The following CACUL1 variants were observed in gnomAD, a reference collection of about 807,000 sequenced individuals.
The protein encoded by CACUL1 is CDK2-associated and cullin domain-containing protein 1.
Under a neutral mutation model 45.2 loss-of-function variants are expected in CACUL1, and 13 were observed. The ratio of observed to expected loss-of-function variants is 0.29; its 90% confidence interval spans 0.19 to 0.46. The LOEUF is 0.46. Among genes scored for constraint, CACUL1 ranks in the 20% least tolerant of loss-of-function variants. The probability of loss-of-function intolerance (pLI) is 1.00; values close to 1 mark genes in which losing one functional copy is unlikely to be tolerated. For missense variants in CACUL1, 421 were observed against 471.4 expected (o/e 0.89, Z 0.99); for synonymous variants, 197 against 174.2 (o/e 1.13, Z -1.03).
rs1845157563 is a variant in CACUL1 at position 118,681,921 on chromosome 10, T to C, written c.*4207A>G. On this transcript the variant is annotated 3_prime_UTR_variant, in exon 9 of 9. Coordinates refer to ENST00000369151, the MANE Select transcript of CACUL1 (RefSeq NM_153810.5). ...TTCTCATATTCTTGTGGCCAGAAAC[T>C]GGGGTGAACTTCAGTGGGGTAATGA... The C allele has an allele frequency of 6.6e-6, 1 of 152,172 alleles. No individual in the cohort carries two copies. Among genetic ancestry groups the C allele is most frequent in the African/African-American group, 2.4e-5 (1 of 41,444 alleles). 9.4% of individuals were successfully genotyped at this position (152,172 alleles called of 1,614,324 possible).
intron 6 of CACUL1, chr10:118,694,889 T>G: frequency 3.0e-6 from 1 of 329,954 alleles, no homozygotes; most frequent in Non-Finnish European, 5.8e-6. Context: ...TTATCCAAAG[T>G]GTATCCTACA....
intron 1 of CACUL1, 117 bp from the exon 2 acceptor site, chr10:118,730,527 C>T: frequency 2.4e-5 from 23 of 940,122 alleles, no homozygotes; most frequent in Non-Finnish European, 3.6e-5. Flanking sequence ...TACACTGACA[C>T]TCTATCACCT....
At chr10:118,752,128 T>C (rs957911558) in intron 1 of CACUL1, among the ~76,000 whole-genome samples, 1 of 152,198 alleles carries the variant, frequency 6.6e-6, no homozygotes, top group Admixed American at 6.5e-5. Flanking sequence ...ATAACTTTTA[T>C]TGCTTCCCTT....
Position 118,754,697 on chromosome 10 carries a change from G to A in CACUL1, c.66C>T (p.His22=). The change falls in exon 1 of 9, where the codon CAC becomes CAT. Residue 22 remains histidine, a synonymous_variant. Coordinates refer to ENST00000369151, the MANE Select transcript of CACUL1 (RefSeq NM_153810.5). The part of the protein sequence containing the change: ...SYEAMMDDQN[H]NNWEAAVDGF... ...CGTCCACCGCAGCCTCCCAGTTGTTGTGGTTCTGGTCGTCCATCATCGCCT... is the reference window on the plus strand; with the variant it reads ...CGTCCACCGCAGCCTCCCAGTTGTTATGGTTCTGGTCGTCCATCATCGCCT... 6.2e-7 allele frequency: 1 copy of A among 1,607,884 alleles called. No individual in the cohort carries two copies.
intron 6 of CACUL1, among the ~76,000 whole-genome samples, chr10:118,693,948 T>C (rs1845296131): frequency 6.6e-6 from 1 of 152,214 alleles, no homozygotes; most frequent in Admixed American, 6.5e-5. Context: ...GGAGTCTCAC[T>C]CTATCGCCCA....
intron 4 of CACUL1, among the ~76,000 whole-genome samples, chr10:118,705,375 A>C (rs541876952): frequency 2.5e-3 from 381 of 152,248 alleles, no homozygotes; most frequent in African/African-American, 8.8e-3. Flanking sequence ...TCCCAAAATA[A>C]ATTTTTCTGC....
At chr10:118,750,731 A>T (rs1427652023) in intron 1 of CACUL1, among the ~76,000 whole-genome samples, 2 of 152,238 alleles carry the variant, frequency 1.3e-5, no homozygotes, top group African/African-American at 4.8e-5. Flanking sequence ...AAGCAAGTAT[A>T]CGTTTTCCTG....
intron 7 of CACUL1, among the ~76,000 whole-genome samples, chr10:118,690,439 G>T (rs1300907472): frequency 6.6e-6 from 1 of 150,732 alleles, no homozygotes; most frequent in Non-Finnish European, 1.5e-5. Flanking sequence ...ATGTATTTTA[G>T]TTGAAAAATG....
chr10:118,677,951 A>G lies in CACUL1; in HGVS notation c.*8177T>C, dbSNP rs1211400795. On this transcript the variant is annotated 3_prime_UTR_variant, in exon 9 of 9. Transcript: ENST00000369151. ...AGTAGAAGTGCAGATTTACACGCCA[A>G]CAACAGGTGAAGGTTTGTTGTCATA... 2.0e-5 allele frequency: 3 copies of G among 152,228 alleles called. No individual in the cohort carries two copies. The highest frequency in any genetic ancestry group is 4.4e-5 in the Non-Finnish European group (3 of 68,044). 9.4% of individuals were successfully genotyped at this position (152,228 alleles called of 1,614,324 possible). A position where few individuals can be genotyped will look rare whatever the true frequency, so the allele number is the denominator to read the frequency against.
chr10:118,724,011 C>T (rs553864863), intron 3 of CACUL1, among the ~76,000 whole-genome samples: 1 of 152,242 alleles, frequency 6.6e-6, no homozygotes, highest in South Asian at 2.1e-4. Flanking sequence ...GTGATCTGCC[C>T]TCCTTGTCCT....
intron 5 of CACUL1, among the ~76,000 whole-genome samples, chr10:118,700,716 C>CAAAAAAAAAAAAAAAAAAAAAAAA (rs59032746): frequency 7.5e-6 from 1 of 132,918 alleles, no homozygotes; most frequent in African/African-American, 3.1e-5. Context: ...GACTCCGTCT[C>CAAAAAAAAAAAAAAAAAAAAAAAA]AAAAAAAAAA....
chr10:118,677,572 C>G lies in CACUL1; in HGVS notation c.*8556G>C, dbSNP rs895287182. 5 of 152,166 alleles carry G rather than the reference C, an allele frequency of 3.3e-5. No homozygotes were observed. The South Asian group carries it at 1.0e-3, about 32-fold the overall frequency. The allele number at this position is 152,166 out of a possible 1,614,324, so 9.4% of individuals were successfully genotyped here. A position where few individuals can be genotyped will look rare whatever the true frequency, so the allele number is the denominator to read the frequency against. On this transcript the variant is annotated 3_prime_UTR_variant, in exon 9 of 9. Coordinates refer to ENST00000369151, the MANE Select transcript of CACUL1 (RefSeq NM_153810.5). ...ATAGCTTTACTACTTGTGTCTGAGT[C>G]CCTAAACAATATACTTAGTTTTTTC...
chr10:118,739,314 AC>A lies in CACUL1; in HGVS notation c.368-8905del, dbSNP rs143428310. Among the ~76,000 whole-genome samples the A allele has an allele frequency of 1.7e-3, 262 of 152,330 alleles. 3 individuals are homozygous for A. In the East Asian group the frequency reaches 0.043, roughly 25 times the overall value. On this transcript the variant is annotated intron_variant, in intron 1 of 8. Transcript: ENST00000369151. ...CTTAGAAGATCAAAACAGAAATTCA[AC>A]ATTTGACTACCAATAATTCCAGAGA... is the stretch of plus-strand genomic sequence containing the variant.
rs571974682 is a variant in CACUL1, at chr10:118,741,482, A to C, written c.368-11072T>G. Among the ~76,000 whole-genome samples, 29 of 151,250 alleles carry C rather than the reference A, an allele frequency of 1.9e-4. No individual in the cohort carries two copies. The East Asian group carries it at 2.3e-3, about 12-fold the overall frequency. ...GACAGACAGACACACACACACACAC[A>C]CCCCCTCACTTCACACCTTTATACC... On this transcript the variant is annotated intron_variant, in intron 1 of 8. Transcript: ENST00000369151.
intron 1 of CACUL1, 40 bp from the exon 2 acceptor site, chr10:118,730,450 A>C: frequency 6.4e-7 from 1 of 1,552,068 alleles, no homozygotes. Flanking sequence ...TACGTGCCAC[A>C]TGTGGAGCAA....
At chr10:118,733,614 A>G (rs1467959126) in intron 1 of CACUL1, among the ~76,000 whole-genome samples, 1 of 152,250 alleles carries the variant, frequency 6.6e-6, no homozygotes, top group East Asian at 1.9e-4. Flanking sequence ...TGACACATAT[A>G]GCCTCAGAGT....
At chr10:118,693,494 T>C in intron 6 of CACUL1, 2 of 260,224 alleles carry the variant, frequency 7.7e-6, no homozygotes, top group Admixed American at 4.6e-5. Flanking sequence ...TAAATCCTAT[T>C]ACAAGAGCTT....
intron 1 of CACUL1, among the ~76,000 whole-genome samples, chr10:118,742,551 G>A (rs1190085181): frequency 6.6e-6 from 1 of 152,072 alleles, no homozygotes; most frequent in African/African-American, 2.4e-5. Context: ...AAGTTCGGCC[G>A]GGAACAGAGG....
intron 6 of CACUL1, chr10:118,693,101 G>A (rs1482803485): frequency 1.3e-5 from 2 of 152,260 alleles, no homozygotes; most frequent in African/African-American, 4.8e-5. Context: ...AGGATTGCTG[G>A]AACTATTTCT....
Sources: allele counts gnomAD v4.1 joint callset (sites outside exome capture counted in the v4.1 genomes callset), GRCh38; gene constraint gnomAD v4.1.1; transcripts MANE v1.5; gene names NCBI Gene and HGNC (gene_info 2026-07-23, HGNC 2026-07-21).